Variants in DCX observed in about 807,000 individuals in gnomAD.
DCX encodes doublecortin, also known as neuronal migration protein doublecortin.
Under a neutral mutation model 20.9 loss-of-function variants are expected in DCX, and 4 were observed. The ratio of observed to expected loss-of-function variants is 0.19; its 90% CI spans 0.09 to 0.44. DCX has a LOEUF of 0.44. DCX is among the 20% of genes least tolerant of loss of function. The pLI, the probability that DCX is intolerant of heterozygous loss-of-function variation, is 0.99. For synonymous variants in DCX, 103 were observed against 111.4 expected, an observed-to-expected ratio of 0.92 and a Z score of 0.47; for missense variants, 133 against 296.9, an observed-to-expected ratio of 0.45 and a Z score of 4.06.
chrX:111,330,795 G>C (rs1921144973), intron 5 of DCX, 109 bp downstream of exon 5: 1 of 1,080,293 alleles, frequency 9.3e-7, no homozygotes, highest in South Asian at 1.9e-5. Context: ...ATAGAATAGG[G>C]TTTCATGGAG....
intron 3 of DCX, among the ~76,000 whole-genome samples, chrX:111,386,507 C>G (rs1020594329): frequency 9.0e-6 from 1 of 111,372 alleles, no homozygotes; most frequent in Non-Finnish European, 1.9e-5. Flanking sequence ...CCACCACCAG[C>G]TTCCAGATAG....
At chrX:111,303,586 G>A (rs1040429067) in intron 6 of DCX, among the ~76,000 whole-genome samples, 4 of 111,982 alleles carry the variant, frequency 3.6e-5, no homozygotes, top group African/African-American at 1.3e-4. Flanking sequence ...GGAAAGACGA[G>A]TAAAGCATAT....
intron 3 of DCX, among the ~76,000 whole-genome samples, chrX:111,377,842 C>T (rs1925661074): frequency 9.0e-6 from 1 of 111,294 alleles, no homozygotes; most frequent in South Asian, 3.9e-4. Flanking sequence ...TTCTCTCTCT[C>T]CTTCCACTAG....
chrX:111,303,092 CT>C (rs536285244), intron 6 of DCX, among the ~76,000 whole-genome samples: 2,376 of 99,763 alleles, frequency 0.024, 70 homozygotes, highest in African/African-American at 0.076. Context: ...GGTTAAGAAA[CT>C]TTTTTTTTTT....
At chrX:111,377,173 T>C (rs957791183) in intron 3 of DCX, among the ~76,000 whole-genome samples, 1 of 111,701 alleles carries the variant, frequency 9.0e-6, no homozygotes, top group Non-Finnish European at 1.9e-5. Context: ...AGGCTGTGAT[T>C]TGAAGAGCTG....
intron 3 of DCX, among the ~76,000 whole-genome samples, chrX:111,398,949 C>T (rs1372213396): frequency 9.1e-6 from 1 of 110,464 alleles, no homozygotes; most frequent in Non-Finnish European, 1.9e-5. Context: ...CCCGTTTCTA[C>T]TAAAATACAA....
intron 1 of DCX, 56 bp from the exon 2 acceptor site, chrX:111,410,476 G>A: frequency 8.5e-7 from 1 of 1,182,572 alleles, no homozygotes; most frequent in Non-Finnish European, 1.1e-6. Flanking sequence ...AAAGGGACAA[G>A]GAGAAGGAAA....
intron 3 of DCX, among the ~76,000 whole-genome samples, chrX:111,351,341 G>T (rs901584909): frequency 8.9e-6 from 1 of 112,248 alleles, no homozygotes; most frequent in Non-Finnish European, 1.9e-5. Context: ...TAACAGATAT[G>T]ATTGAATGGA....
intron 6 of DCX, among the ~76,000 whole-genome samples, chrX:111,311,718 T>C (rs1211095502): frequency 8.9e-6 from 1 of 112,480 alleles, no homozygotes; most frequent in Admixed American, 9.4e-5. Context: ...ATGTCAAACC[T>C]CATAAGATTA....
intron 3 of DCX, among the ~76,000 whole-genome samples, chrX:111,398,472 C>T (rs1418716443): frequency 3.6e-5 from 4 of 111,417 alleles, no homozygotes; most frequent in African/African-American, 1.3e-4. Context: ...CAGAGGAAGA[C>T]ATTTTAAAGA....
Position 111,321,257 on chromosome X carries a change from T to G in DCX, c.947-8521A>C, listed in dbSNP as rs2095085849. On this transcript the variant is annotated intron_variant, in intron 5 of 6. Coordinates refer to ENST00000636035, the MANE Select transcript of DCX (RefSeq NM_001195553.2). ...TTAGCATGACATGTAACTACCCTCATGTTACAGAGTTCTCTGGGAAGATAG... is the reference window on the plus strand; with the variant it reads ...TTAGCATGACATGTAACTACCCTCAGGTTACAGAGTTCTCTGGGAAGATAG... Among the ~76,000 whole-genome samples, 3 of 112,077 alleles carry G rather than the reference T, an allele frequency of 2.7e-5. No homozygotes were observed. In the South Asian group the frequency reaches 1.1e-3, roughly 42 times the overall value.
intron 5 of DCX, among the ~76,000 whole-genome samples, chrX:111,324,533 T>G (rs2095094982): frequency 8.9e-6 from 1 of 111,947 alleles, no homozygotes; most frequent in Admixed American, 9.5e-5. Context: ...TCTTACTAGC[T>G]GTGTGATCTT....
At chrX:111,348,640 G>A (rs1486258778) in intron 3 of DCX, among the ~76,000 whole-genome samples, 1 of 110,187 alleles carries the variant, frequency 9.1e-6, no homozygotes, top group Non-Finnish European at 1.9e-5. Flanking sequence ...AAAGAACTGG[G>A]GTGGAAAAAC....
chrX:111,408,638 GAAA>G (rs1410782532), intron 2 of DCX, among the ~76,000 whole-genome samples: 12 of 72,660 alleles, frequency 1.7e-4, no homozygotes, highest in African/African-American at 5.8e-4. Context: ...AAAAGAGAAA[GAAA>G]GAAAGAAAGA....
chrX:111,409,442 A>G (rs773472955), intron 2 of DCX, among the ~76,000 whole-genome samples: 59 of 111,470 alleles, frequency 5.3e-4, no homozygotes, highest in Non-Finnish European at 9.6e-4. Flanking sequence ...TACCAGACAT[A>G]CCTACAGCTT....
intron 3 of DCX, among the ~76,000 whole-genome samples, chrX:111,347,336 A>G (rs1002472903): frequency 1.8e-5 from 2 of 111,249 alleles, no homozygotes; most frequent in African/African-American, 6.5e-5. Context: ...AAAACAACAC[A>G]ATGTCACCCC....
intron 3 of DCX, among the ~76,000 whole-genome samples, chrX:111,368,707 G>C (rs1437025822): frequency 9.0e-6 from 1 of 110,852 alleles, no homozygotes; most frequent in African/African-American, 3.3e-5. Flanking sequence ...CTGTCAGTCA[G>C]AGCATTCTTT....
chrX:111,361,205 G>A (rs533154016), intron 3 of DCX, among the ~76,000 whole-genome samples: 2 of 112,310 alleles, frequency 1.8e-5, no homozygotes, highest in African/African-American at 3.2e-5. Context: ...AAGAGGCAGC[G>A]GGGAAAGAGA....
At chrX:111,387,227 T>C (rs1036390269) in intron 3 of DCX, among the ~76,000 whole-genome samples, 1 of 111,682 alleles carries the variant, frequency 9.0e-6, no homozygotes, top group Non-Finnish European at 1.9e-5. Flanking sequence ...GAAAAGGGTT[T>C]AATTTCTTTG....
Sources: gnomAD v4.1 joint callset for allele counts (sites outside exome capture counted in the v4.1 genomes callset) on GRCh38, gnomAD v4.1.1 for gene constraint, MANE v1.5 for transcripts, NCBI Gene and HGNC (gene_info 2026-07-23, HGNC 2026-07-21) for gene names.